The following UNC5C variants were observed in gnomAD, a reference collection of about 807,000 sequenced individuals.
UNC5C encodes unc-5 netrin receptor C.
Under a neutral mutation model 99.8 loss-of-function variants are expected in UNC5C, and 47 were observed. That is an observed-to-expected ratio of 0.47 (90% CI 0.37 to 0.60). The LOEUF is 0.60. UNC5C is among the 20% of genes least tolerant of loss of function. The pLI, the probability that UNC5C is intolerant of heterozygous loss-of-function variation, is 0.00. For synonymous variants in UNC5C, 487 were observed against 452.2 expected (o/e 1.08, Z -0.98); for missense variants, 1,062 against 1,165.9 (o/e 0.91, Z 1.30).
chr4:95,303,389 G>T (rs1741945099), intron 2 of UNC5C, among the ~76,000 whole-genome samples: 1 of 152,172 alleles, frequency 6.6e-6, no homozygotes, highest in Admixed American at 6.5e-5. Context: ...ATAATTCTCA[G>T]TTTCCCCCAG....
At chr4:95,391,908 C>T (rs1745372447) in intron 1 of UNC5C, among the ~76,000 whole-genome samples, 1 of 152,070 alleles carries the variant, frequency 6.6e-6, no homozygotes, top group African/African-American at 2.4e-5. Flanking sequence ...GAAACCCCAG[C>T]TCTAGCTGAC....
chr4:95,193,669 G>A (rs562581508), intron 12 of UNC5C, among the ~76,000 whole-genome samples: 1 of 152,182 alleles, frequency 6.6e-6, no homozygotes, highest in Non-Finnish European at 1.5e-5. Context: ...TGTCACTGCT[G>A]TCTCTGTCAC....
intron 1 of UNC5C, among the ~76,000 whole-genome samples, chr4:95,458,109 A>G (rs1747497060): frequency 6.6e-6 from 1 of 152,112 alleles, no homozygotes; most frequent in South Asian, 2.1e-4. Flanking sequence ...ACATAATTTC[A>G]ATGCAAGTTT....
intron 1 of UNC5C, among the ~76,000 whole-genome samples, chr4:95,388,483 A>G (rs551274816): frequency 1.0e-3 from 156 of 152,260 alleles, no homozygotes; most frequent in African/African-American, 3.7e-3. Context: ...CAACAAATAA[A>G]CAAACCGGGG....
In UNC5C at chr4:95,514,343, G is replaced by T. The variant is rs1722156934; in HGVS notation, c.124+34391C>A. ...CTCCTTAATTAGGTATAAATATAAA[G>T]TAAGTTCAGATATTTCAGAGATGTG... On this transcript the variant is annotated intron_variant, in intron 1 of 15. Transcript: ENST00000453304. 1.3e-5 allele frequency among the ~76,000 whole-genome samples: 2 copies of T among 152,122 alleles called. 1 individual carries two copies. Among genetic ancestry groups the T allele is most frequent in the South Asian group, 4.1e-4 (2 of 4,830 alleles).
intron 1 of UNC5C, among the ~76,000 whole-genome samples, chr4:95,540,887 A>C (rs1321969758): frequency 6.6e-6 from 1 of 152,208 alleles, no homozygotes; most frequent in Non-Finnish European, 1.5e-5. Context: ...AATCATGTAT[A>C]ATAACATAGT....
intron 1 of UNC5C, among the ~76,000 whole-genome samples, chr4:95,414,134 G>A (rs1248175455): frequency 1.3e-5 from 2 of 152,156 alleles, no homozygotes; most frequent in Non-Finnish European, 2.9e-5. Flanking sequence ...TGAAATTAAG[G>A]AGAGGTTCTT....
intron 4 of UNC5C, among the ~76,000 whole-genome samples, chr4:95,265,765 T>C (rs538975625): frequency 7.2e-5 from 11 of 152,124 alleles, no homozygotes; most frequent in African/African-American, 9.7e-5. Flanking sequence ...TCAGGCAGAG[T>C]TGGCTTTGAA....
chr4:95,200,074 T>C (rs960713635), intron 12 of UNC5C, among the ~76,000 whole-genome samples: 3 of 152,226 alleles, frequency 2.0e-5, no homozygotes, highest in African/African-American at 7.2e-5. Flanking sequence ...GAACAGATGA[T>C]GGCAACAGGC....
intron 1 of UNC5C, among the ~76,000 whole-genome samples, chr4:95,378,122 TAGAG>T (rs1489382000): frequency 6.6e-6 from 1 of 152,240 alleles, no homozygotes; most frequent in African/African-American, 2.4e-5. Flanking sequence ...AGTTTATATA[TAGAG>T]AGAGTATCCT....
intron 1 of UNC5C, among the ~76,000 whole-genome samples, chr4:95,396,812 T>C (rs1446623530): frequency 2.0e-5 from 3 of 152,236 alleles, no homozygotes; most frequent in African/African-American, 7.2e-5. Context: ...TTATCCCTGA[T>C]TGTGACCCTA....
intron 4 of UNC5C, among the ~76,000 whole-genome samples, chr4:95,257,019 C>T (rs1361707433): frequency 1.3e-5 from 2 of 152,072 alleles, no homozygotes; most frequent in Admixed American, 6.6e-5. Flanking sequence ...GTCTGCCTTT[C>T]CCAGCCCACT....
At chr4:95,487,796 T>A (rs1050787268) in intron 1 of UNC5C, among the ~76,000 whole-genome samples, 1 of 151,772 alleles carries the variant, frequency 6.6e-6, no homozygotes, top group Non-Finnish European at 1.5e-5. Context: ...ATAGGTAAGT[T>A]GGCAAGCAGC....
intron 3 of UNC5C, among the ~76,000 whole-genome samples, chr4:95,280,057 C>G (rs1320353679): frequency 6.6e-6 from 1 of 152,126 alleles, no homozygotes; most frequent in Non-Finnish European, 1.5e-5. Context: ...GCTCACTAGC[C>G]TGCTCACCTC....
intron 4 of UNC5C, among the ~76,000 whole-genome samples, chr4:95,275,401 A>G (rs2149392960): frequency 6.6e-6 from 1 of 152,320 alleles, no homozygotes; most frequent in South Asian, 2.1e-4. Flanking sequence ...AGTGATTTGC[A>G]TATATTATCT....
intron 2 of UNC5C, among the ~76,000 whole-genome samples, chr4:95,306,471 G>T (rs941993748): frequency 4.6e-5 from 7 of 152,120 alleles, no homozygotes; most frequent in Admixed American, 3.3e-4. Flanking sequence ...CAAAGTGATG[G>T]GATTACAGGC....
chr4:95,251,479 T>C (rs977545749), intron 4 of UNC5C, among the ~76,000 whole-genome samples: 1 of 152,186 alleles, frequency 6.6e-6, no homozygotes, highest in Non-Finnish European at 1.5e-5. Flanking sequence ...ATTAATGTAG[T>C]AATAGTGATG....
chr4:95,348,517 A>G (rs1200814283), intron 1 of UNC5C, among the ~76,000 whole-genome samples: 1 of 151,400 alleles, frequency 6.6e-6, no homozygotes, highest in African/African-American at 2.4e-5. Flanking sequence ...ACCTGTGTCC[A>G]TCCACAGATG....
intron 1 of UNC5C, among the ~76,000 whole-genome samples, chr4:95,366,150 C>A (rs897973455): frequency 6.6e-6 from 1 of 151,980 alleles, no homozygotes; most frequent in Non-Finnish European, 1.5e-5. Context: ...TCGAGGTAAG[C>A]ATTATTTTGT....
Sources: allele counts gnomAD v4.1 joint callset (sites outside exome capture counted in the v4.1 genomes callset), GRCh38; gene constraint gnomAD v4.1.1; transcripts MANE v1.5; gene names NCBI Gene and HGNC (gene_info 2026-07-23, HGNC 2026-07-21).